The following VTI1A variants were observed in gnomAD, a reference collection of about 807,000 sequenced individuals.
The protein encoded by VTI1A is vesicle transport through interaction with t-SNAREs homolog 1A.
In VTI1A, 22 loss-of-function variants were observed where a neutral mutation model predicts 34.9. The observed-to-expected ratio is 0.63, with a 90% confidence interval of 0.45 to 0.90. The LOEUF (loss-of-function observed/expected upper bound fraction) is 0.90. Among genes scored for constraint, VTI1A ranks in the 40% least tolerant of loss-of-function variants. The probability of loss-of-function intolerance (pLI) is 0.00; values close to 1 mark genes in which losing one functional copy is unlikely to be tolerated. For synonymous variants in VTI1A, 87 were observed against 97.3 expected (o/e 0.89, Z 0.62); for missense variants, 268 against 275.6 (o/e 0.97, Z 0.20).
At chr10:112,564,215 A>G (rs1034940151) in intron 5 of VTI1A, among the ~76,000 whole-genome samples, 2 of 152,202 alleles carry the variant, frequency 1.3e-5, no homozygotes, top group East Asian at 3.9e-4. Context: ...TTGGAATTAA[A>G]TCATTTGGCA....
intron 7 of VTI1A, among the ~76,000 whole-genome samples, chr10:112,717,490 A>T (rs2133933577): frequency 6.6e-6 from 1 of 152,094 alleles, no homozygotes; most frequent in East Asian, 1.9e-4. Flanking sequence ...TGTAGGGGGG[A>T]CAGGAGCCTG....
intron 7 of VTI1A, among the ~76,000 whole-genome samples, chr10:112,676,796 C>T (rs1350079762): frequency 1.3e-5 from 2 of 152,148 alleles, no homozygotes; most frequent in Non-Finnish European, 2.9e-5. Flanking sequence ...AATATATCAA[C>T]TCACGTAACT....
At chr10:112,598,160 A>T (rs1048868872) in intron 5 of VTI1A, among the ~76,000 whole-genome samples, 1 of 152,226 alleles carries the variant, frequency 6.6e-6, no homozygotes, top group Non-Finnish European at 1.5e-5. Flanking sequence ...TGAGACTAGC[A>T]CTTGAAGATC....
At chr10:112,822,077 C>G (rs1019598534), downstream of VTI1A, among the ~76,000 whole-genome samples, 2 of 152,174 alleles carry the variant, frequency 1.3e-5, no homozygotes, top group African/African-American at 2.4e-5. Flanking sequence ...TTGTCTGACC[C>G]TTTCCTGGGG....
chr10:112,605,964 A>C (rs1055771404), intron 5 of VTI1A, among the ~76,000 whole-genome samples: 1 of 152,148 alleles, frequency 6.6e-6, no homozygotes, highest in South Asian at 2.1e-4. Flanking sequence ...AAAACTCTTC[A>C]AACAAAACAA....
intron 7 of VTI1A, among the ~76,000 whole-genome samples, chr10:112,671,255 G>A (rs114343503): frequency 0.012 from 1,834 of 152,250 alleles, 33 homozygotes; most frequent in African/African-American, 0.042. Context: ...GTTTCAGAAA[G>A]AAAAGCCACA....
chr10:112,814,500 T>C (rs979243542), intron 7 of VTI1A, among the ~76,000 whole-genome samples: 1 of 152,122 alleles, frequency 6.6e-6, no homozygotes, highest in Non-Finnish European at 1.5e-5. Context: ...AACAACCTCA[T>C]CAGAAGCTCT....
At chr10:112,464,799 C>A in intron 3 of VTI1A, 142 bp downstream of exon 3, 1 of 692,340 alleles carries the variant, frequency 1.4e-6, no homozygotes, top group Non-Finnish European at 2.4e-6. Context: ...AGTTAGGGAT[C>A]TAAAAAATGG....
Position 112,452,212 on chromosome 10 carries a change from A to G in VTI1A, c.94+4745A>G, listed in dbSNP as rs575059483. ...TGCTGGGCAAGGTCCAGCTTTTTCA[A>G]TTGAGCATACAGGGAAGATAGTCTT... is the stretch of plus-strand genomic sequence containing the variant. On this transcript the variant is annotated intron_variant, in intron 1 of 7. Transcript: ENST00000393077. 3.2e-3 allele frequency among the ~76,000 whole-genome samples: 482 copies of G among 152,292 alleles called. 2 individuals carry two copies. Among genetic ancestry groups the G allele is most frequent in the Non-Finnish European group, 5.3e-3 (360 of 68,026 alleles).
At chr10:112,738,370 G>A (rs1404302901) in intron 7 of VTI1A, among the ~76,000 whole-genome samples, 4 of 152,100 alleles carry the variant, frequency 2.6e-5, no homozygotes, top group African/African-American at 7.2e-5. Flanking sequence ...CCTCTATAAC[G>A]CATTTGTCAG....
chr10:112,472,020 A>G (rs946098427), intron 3 of VTI1A, among the ~76,000 whole-genome samples: 4 of 152,182 alleles, frequency 2.6e-5, no homozygotes, highest in African/African-American at 9.7e-5. Flanking sequence ...GGTGTGTTGA[A>G]TGCTTTTTCA....
rs1173961832 is a variant in VTI1A at position 112,623,520 on chromosome 10, CTG to C, written c.428-44697_428-44696del. Among the ~76,000 whole-genome samples, 3 of 149,990 alleles carry C rather than the reference CTG, an allele frequency of 2.0e-5. No individual in the cohort carries two copies. In the East Asian group the frequency reaches 5.9e-4, roughly 29 times the overall value. On this transcript the variant is annotated intron_variant, in intron 5 of 7. Transcript: ENST00000393077. ...TATCTCAGCCATTATCCTCAGCCTG[CTG>C]GCTGAGAACTCTCTTTGGATCCCGT...
At chr10:112,845,304 C>T in the VTI1A span, among the ~76,000 whole-genome samples, 2 of 152,172 alleles carry the variant, frequency 1.3e-5, no homozygotes, top group African/African-American at 4.8e-5. Context: ...GCACAGACCT[C>T]GCCTGCTGAT....
intron 7 of VTI1A, among the ~76,000 whole-genome samples, chr10:112,695,319 A>G (rs1848743276): frequency 6.6e-6 from 1 of 152,184 alleles, no homozygotes; most frequent in East Asian, 1.9e-4. Context: ...GGTATAAGGA[A>G]AAGGGCATAT....
chr10:112,538,208 G>C (rs201481818), intron 4 of VTI1A, 38 bp from the exon 5 acceptor site: 18 of 1,574,900 alleles, frequency 1.1e-5, no homozygotes, highest in Non-Finnish European at 1.4e-5. Context: ...CATTGTAGAC[G>C]GCCGTCTGAT....
chr10:112,686,726 T>C (rs1257222114), intron 7 of VTI1A, among the ~76,000 whole-genome samples: 1 of 152,238 alleles, frequency 6.6e-6, no homozygotes, highest in Non-Finnish European at 1.5e-5. Flanking sequence ...CTGGACAGAA[T>C]GAACCTTATT....
At chr10:112,694,021 A>G (rs1166288634) in intron 7 of VTI1A, among the ~76,000 whole-genome samples, 1 of 152,186 alleles carries the variant, frequency 6.6e-6, no homozygotes, top group Non-Finnish European at 1.5e-5. Context: ...AGCCTGGCCA[A>G]TATGGTGAAA....
chr10:112,691,679 A>T (rs1848623238), intron 7 of VTI1A, among the ~76,000 whole-genome samples: 1 of 152,248 alleles, frequency 6.6e-6, no homozygotes, highest in African/African-American at 2.4e-5. Flanking sequence ...CAGCATGTCC[A>T]ATAGGCCCAA....
At chr10:112,850,405 C>T in the VTI1A span, among the ~76,000 whole-genome samples, 3 of 146,708 alleles carry the variant, frequency 2.0e-5, no homozygotes, top group Non-Finnish European at 4.5e-5. Context: ...TAATTCAGAA[C>T]AAAGTGAAAT....
Sources: gnomAD v4.1 joint callset for allele counts (sites outside exome capture counted in the v4.1 genomes callset) on GRCh38, gnomAD v4.1.1 for gene constraint, MANE v1.5 for transcripts, NCBI Gene and HGNC (gene_info 2026-07-23, HGNC 2026-07-21) for gene names.